The following PRPF38A variants were observed in gnomAD, a reference collection of about 807,000 sequenced individuals.
The protein encoded by PRPF38A is pre-mRNA-splicing factor 38A.
A neutral mutation model predicts 46.8 loss-of-function variants in PRPF38A; 11 were observed. The ratio of observed to expected loss-of-function variants is 0.24; its 90% confidence interval spans 0.15 to 0.39. The LOEUF is 0.39. Among genes scored for constraint, PRPF38A ranks in the 10% least tolerant of loss-of-function variants. The probability of loss-of-function intolerance (pLI) is 1.00; values close to 1 mark genes in which losing one functional copy is unlikely to be tolerated. For missense variants in PRPF38A, 261 were observed against 407.5 expected, an observed-to-expected ratio of 0.64 and a Z score of 3.10; for synonymous variants, 124 against 136.2, an observed-to-expected ratio of 0.91 and a Z score of 0.62.
intron 6 of PRPF38A, among the ~76,000 whole-genome samples, chr1:52,414,370 A>G (rs1017557407): frequency 2.0e-5 from 3 of 152,200 alleles, no homozygotes; most frequent in East Asian, 3.9e-4. Context: ...CTCAAGAGCA[A>G]ACAAACCCGG....
chr1:52,414,845 G>A lies in PRPF38A; in HGVS notation c.833G>A (p.Arg278His), dbSNP rs1322447419. 13 of 1,613,880 alleles carry A rather than the reference G, an allele frequency of 8.1e-6. No individual in the cohort carries two copies. The highest frequency in any genetic ancestry group is 3.3e-5 in the South Asian group (3 of 91,072). ...TCCCGAGATCGGCGGCACAGATCCCGTTCCAAGTCCCCAGGTAAAGCTTGT... is the reference window on the plus strand; with the variant it reads ...TCCCGAGATCGGCGGCACAGATCCCATTCCAAGTCCCCAGGTAAAGCTTGT... ...SRSRDRRHRS[R>H]SKSPGHHRSH... is the part of the protein sequence containing the mutation. Residue 278 changes from arginine (R) to histidine (H), a missense_variant, in exon 8 of 10, where the codon CGT (arginine) becomes CAT (histidine). Physicochemically the swap from Arg to His is conservative, Grantham distance 29. Transcript: ENST00000257181.
chr1:52,412,465 A>G, intron 4 of PRPF38A, 49 bp from the exon 5 acceptor site: 1 of 1,374,952 alleles, frequency 7.3e-7, no homozygotes, highest in South Asian at 1.2e-5. Flanking sequence ...AGGTTTCAAG[A>G]AATAGGGGAA....
At chr1:52,411,531 G>T (rs1267624652) in intron 4 of PRPF38A, among the ~76,000 whole-genome samples, 1 of 152,128 alleles carries the variant, frequency 6.6e-6, no homozygotes, top group Non-Finnish European at 1.5e-5. Flanking sequence ...CATGAAAAAA[G>T]AAATTTATTC....
chr1:52,416,457 C>T (rs909561214), intron 9 of PRPF38A, among the ~76,000 whole-genome samples, 191 bp from the exon 10 acceptor site: 3 of 151,916 alleles, frequency 2.0e-5, no homozygotes, highest in East Asian at 1.9e-4. Flanking sequence ...TACAGGTGCC[C>T]GCCGCCATGC....
At chr1:52,407,227 C>CAGGAT (rs1334758895) in intron 2 of PRPF38A, among the ~76,000 whole-genome samples, 1 of 152,194 alleles carries the variant, frequency 6.6e-6, no homozygotes, top group Non-Finnish European at 1.5e-5. Flanking sequence ...CCGCGTTAGC[C>CAGGAT]AGGATGGTCC....
chr1:52,414,994 A>T, intron 8 of PRPF38A, 135 bp downstream of exon 8: 1 of 778,970 alleles, frequency 1.3e-6, no homozygotes, highest in Non-Finnish European at 2.1e-6. Flanking sequence ...TTTGAAAATT[A>T]AGGTTCACAG....
intron 2 of PRPF38A, among the ~76,000 whole-genome samples, chr1:52,407,546 T>G (rs993663314): frequency 1.3e-5 from 2 of 152,242 alleles, no homozygotes; most frequent in East Asian, 1.9e-4. Flanking sequence ...CCAGATGACT[T>G]ACTTTTTTCC....
At chr1:52,406,255 G>T (rs1313463612) in intron 2 of PRPF38A, among the ~76,000 whole-genome samples, 1 of 152,002 alleles carries the variant, frequency 6.6e-6, no homozygotes, top group Non-Finnish European at 1.5e-5. Context: ...GCCTCCCAGA[G>T]TGCTGGGATT....
intron 2 of PRPF38A, 98 bp from the exon 3 acceptor site, chr1:52,408,471 G>C (rs1273522899): frequency 2.6e-6 from 4 of 1,528,000 alleles, no homozygotes; most frequent in Non-Finnish European, 3.6e-6. Context: ...CTGCCAAAGA[G>C]AAGAACATGT....
intron 9 of PRPF38A, among the ~76,000 whole-genome samples, chr1:52,416,025 G>A (rs1025436888): frequency 6.6e-6 from 1 of 151,412 alleles, no homozygotes; most frequent in Non-Finnish European, 1.5e-5. Flanking sequence ...TATATTTTTA[G>A]TAGAGACGGG....
intron 2 of PRPF38A, 131 bp downstream of exon 2, chr1:52,405,970 C>A (rs895671365): frequency 1.4e-6 from 1 of 737,524 alleles, no homozygotes; most frequent in Non-Finnish European, 2.2e-6. Flanking sequence ...TGCTTTTGAG[C>A]CCTTGAGTTT....
In PRPF38A at chr1:52,411,000, TCTAAAGAGG is replaced by T. The variant is rs1648134523; in HGVS notation, c.413-113_413-105del. 5.8e-6 allele frequency: 4 copies of T among 691,510 alleles called. 1 individual carries two copies. Among genetic ancestry groups the T allele is most frequent in the Admixed American group, 5.2e-5 (2 of 38,528 alleles). 42.8% of individuals were successfully genotyped at this position (691,510 alleles called of 1,614,324 possible). ...CATCTTCATTCATCCCTTAATCTCT[TCTAAAGAGG>T]CCTAGCACATAGATGTCCTGATATG... On this transcript the variant is annotated intron_variant, in intron 3 of 9. Coordinates refer to ENST00000257181, the MANE Select transcript of PRPF38A (RefSeq NM_032864.4).
At chr1:52,410,308 A>T (rs951503536) in intron 3 of PRPF38A, among the ~76,000 whole-genome samples, 5 of 148,214 alleles carry the variant, frequency 3.4e-5, no homozygotes, top group African/African-American at 9.9e-5. Flanking sequence ...TCAAAAAAAA[A>T]TTTTTTTTCT....
chr1:52,412,901 C>G (rs1648185006), intron 5 of PRPF38A, among the ~76,000 whole-genome samples: 2 of 152,074 alleles, frequency 1.3e-5, no homozygotes, highest in Non-Finnish European at 2.9e-5. Context: ...ACCCAGGAGG[C>G]TGAGGCAGCA....
chr1:52,415,602 G>A (rs1648267094), intron 9 of PRPF38A, among the ~76,000 whole-genome samples: 1 of 152,126 alleles, frequency 6.6e-6, no homozygotes. Flanking sequence ...AAGCTGGAGT[G>A]CAGTGGCGTG....
Position 52,404,782 on chromosome 1 carries a change from C to T in PRPF38A, c.33C>T (p.Ser11=), listed in dbSNP as rs1188561174. The change falls in exon 1 of 10, where the codon AGC becomes AGT. Residue 11 remains serine (S), a synonymous_variant. Coordinates refer to ENST00000257181, the MANE Select transcript of PRPF38A (RefSeq NM_032864.4). ...ACCGTACAGTGAAGGATGCGCACAGCATCCATGGCACCAACCCTCAATATC... is the reference window on the plus strand; with the variant it reads ...ACCGTACAGTGAAGGATGCGCACAGTATCCATGGCACCAACCCTCAATATC... MANRTVKDAH[S]IHGTNPQYLV... The T allele has an allele frequency of 6.2e-7, 1 of 1,614,220 alleles. No individual in the cohort carries two copies. The highest frequency in any genetic ancestry group is 1.1e-5 in the South Asian group (1 of 91,088).
chr1:52,414,758 A>G lies in PRPF38A; in HGVS notation c.750-4A>G, dbSNP rs1193472875. On this transcript the variant is annotated splice_region_variant and splice_polypyrimidine_tract_variant and intron_variant, in intron 7 of 9. Transcript: ENST00000257181. ...TCTGGTAGTCTGACCAGTCTTTTCT[A>G]CAGCCCCTCCCCTCGCCGAGAAAGG... 1.2e-6 allele frequency: 2 copies of G among 1,614,168 alleles called. No individual in the cohort carries two copies. The highest frequency in any genetic ancestry group is 1.7e-5 in the Admixed American group (1 of 60,022).
Position 52,420,450 on chromosome 1 carries a change from T to A in PRPF38A, c.*3760T>A, listed in dbSNP as rs977970967. The A allele has an allele frequency of 1.1e-4, 16 of 152,094 alleles. No individual in the cohort carries two copies. The highest frequency in any genetic ancestry group is 3.4e-4 in the African/African-American group (14 of 41,414). The allele number at this position is 152,094 out of a possible 1,614,324, so 9.4% of individuals were successfully genotyped here. A position where few individuals can be genotyped will look rare whatever the true frequency, so the allele number is the denominator to read the frequency against. On this transcript the variant is annotated 3_prime_UTR_variant, in exon 10 of 10. Coordinates refer to ENST00000257181, the MANE Select transcript of PRPF38A (RefSeq NM_032864.4). Reference sequence around the variant, plus strand: ...CTTTCATAGCAGGAATCACGTACAGTCTCTAATTAAAACATACATGAAGCT... The same window carrying A: ...CTTTCATAGCAGGAATCACGTACAGACTCTAATTAAAACATACATGAAGCT...
intron 6 of PRPF38A, among the ~76,000 whole-genome samples, chr1:52,414,296 TTTCTC>T (rs1165723002): frequency 1.3e-5 from 2 of 152,144 alleles, no homozygotes; most frequent in Non-Finnish European, 2.9e-5. Flanking sequence ...ACGGGGGAAA[TTTCTC>T]TTCTCTGTGT....
Sources: gnomAD v4.1 joint callset for allele counts (sites outside exome capture counted in the v4.1 genomes callset) on GRCh38, gnomAD v4.1.1 for gene constraint, MANE v1.5 for transcripts, NCBI Gene and HGNC (gene_info 2026-07-23, HGNC 2026-07-21) for gene names.